The following EFCAB6 variants were observed in gnomAD, a reference collection of about 807,000 sequenced individuals.
The protein encoded by EFCAB6 is EF-hand calcium binding domain 6, also known as EF-hand calcium-binding domain-containing protein 6.
Under a neutral mutation model 169.8 loss-of-function variants are expected in EFCAB6, and 156 were observed. The observed-to-expected ratio is 0.92, with a 90% CI of 0.81 to 1.05. The LOEUF is 1.05. Among genes scored for constraint, EFCAB6 ranks in the 50% least tolerant of loss-of-function variants. The pLI, the probability that EFCAB6 is intolerant of heterozygous loss-of-function variation, is 0.00. For synonymous variants in EFCAB6, 698 were observed against 676.4 expected (o/e 1.03, Z -0.50); for missense variants, 1,800 against 1,829.1 (o/e 0.98, Z 0.29).
chr22:43,598,314 A>AC (rs59051299), intron 23 of EFCAB6, among the ~76,000 whole-genome samples: 24,426 of 136,500 alleles, frequency 0.18, 4,245 homozygotes, highest in East Asian at 0.51. Flanking sequence ...TCTCCGGGAA[A>AC]AAAAAAAAAA....
At chr22:43,661,605 C>G (rs1046862831) in intron 17 of EFCAB6, among the ~76,000 whole-genome samples, 3 of 152,140 alleles carry the variant, frequency 2.0e-5, no homozygotes, top group African/African-American at 7.2e-5. Flanking sequence ...AGAATAGCGC[C>G]CTTCTCCTTC....
Position 43,528,934 on chromosome 22 carries a change from G to C in EFCAB6, c.4425C>G (p.Phe1475Leu), listed in dbSNP as rs778896150. Reference sequence around the variant, plus strand: ...TATCGTAATACTCCAGAATATGGAAGAACTCTTCCTCAGAGAGGTTGATGC... The same window carrying C: ...TATCGTAATACTCCAGAATATGGAACAACTCTTCCTCAGAGAGGTTGATGC... ...QYSINLSEEE[F>L]FHILEYYDKT... is the part of the protein sequence containing the mutation. Residue 1475 changes from phenylalanine (F) to leucine (L), a missense_variant, in exon 32 of 32, where the codon TTC becomes TTG. Coordinates refer to ENST00000262726, the MANE Select transcript of EFCAB6 (RefSeq NM_022785.4). 1 of 1,609,276 alleles carries C rather than the reference G, an allele frequency of 6.2e-7. No homozygotes were observed. Among genetic ancestry groups the C allele is most frequent in the Non-Finnish European group, 8.5e-7 (1 of 1,176,056 alleles).
At chr22:43,739,981 A>C (rs2060308515) in intron 6 of EFCAB6, among the ~76,000 whole-genome samples, 1 of 148,652 alleles carries the variant, frequency 6.7e-6, no homozygotes, top group Non-Finnish European at 1.5e-5. Context: ...GCTCCTGGCC[A>C]CCCCCTGGCC....
At chr22:43,777,914 C>T (rs1359790216) in intron 3 of EFCAB6, among the ~76,000 whole-genome samples, 1 of 152,188 alleles carries the variant, frequency 6.6e-6, no homozygotes, top group East Asian at 1.9e-4. Flanking sequence ...TTGATGGAAT[C>T]TTTCTGGAGG....
chr22:43,595,251 A>G (rs1029903673), intron 23 of EFCAB6, among the ~76,000 whole-genome samples: 1 of 152,138 alleles, frequency 6.6e-6, no homozygotes, highest in African/African-American at 2.4e-5. Context: ...AACCTAAATT[A>G]GTAGAAAGGA....
chr22:43,602,071 C>T (rs530560000), intron 22 of EFCAB6, among the ~76,000 whole-genome samples: 24 of 152,352 alleles, frequency 1.6e-4, no homozygotes, highest in African/African-American at 5.8e-4. Context: ...TTTGCCGGCT[C>T]TTCACCTGGC....
In EFCAB6 at chr22:43,632,119, T is replaced by G. The variant is rs2054993001; in HGVS notation, c.2218A>C (p.Lys740Gln). The G allele has an allele frequency of 1.2e-6, 2 of 1,614,010 alleles. No homozygotes were observed. The highest frequency in any genetic ancestry group is 1.7e-6 in the Non-Finnish European group (2 of 1,179,952). ...ECLKLFPRRL[K>Q]ESFRDPYSAF... Reference sequence around the variant, plus strand: ...TCACGGTTTACCCGGAATGACTCCTTCAGCCTCCTAGGGAAAAGCTTCAGG... The same window carrying G: ...TCACGGTTTACCCGGAATGACTCCTGCAGCCTCCTAGGGAAAAGCTTCAGG... Residue 740 changes from lysine to glutamine, a missense_variant, in exon 19 of 32, where the codon AAG (lysine) becomes CAG (glutamine). Transcript: ENST00000262726.
intron 7 of EFCAB6, among the ~76,000 whole-genome samples, chr22:43,735,310 C>T (rs1413181239): frequency 1.3e-4 from 5 of 37,210 alleles, no homozygotes; most frequent in Middle Eastern, 0.016. Context: ...ACCCTCCTGC[C>T]GCACACCCCA....
chr22:43,761,183 T>C (rs2061150880), intron 5 of EFCAB6, among the ~76,000 whole-genome samples: 1 of 152,162 alleles, frequency 6.6e-6, no homozygotes, highest in African/African-American at 2.4e-5. Context: ...CCTCACCACA[T>C]TGTGCTGCCT....
intron 7 of EFCAB6, among the ~76,000 whole-genome samples, chr22:43,734,507 T>C (rs953361308): frequency 2.6e-5 from 4 of 152,212 alleles, no homozygotes; most frequent in African/African-American, 9.6e-5. Context: ...ATAGATTTAC[T>C]AGGTTGGAGA....
chr22:43,598,645 T>A (rs1197484468), intron 23 of EFCAB6, among the ~76,000 whole-genome samples: 9 of 152,184 alleles, frequency 5.9e-5, no homozygotes, highest in Admixed American at 5.9e-4. Context: ...TAAAAGAGTA[T>A]AATTGGATTG....
intron 23 of EFCAB6, among the ~76,000 whole-genome samples, chr22:43,599,644 A>G (rs111637112): frequency 0.019 from 2,820 of 150,616 alleles, 85 homozygotes; most frequent in African/African-American, 0.065. Flanking sequence ...AGTGTGAGTT[A>G]AAGGATATGT....
At chr22:43,644,554 C>T (rs1254200585) in intron 17 of EFCAB6, among the ~76,000 whole-genome samples, 4 of 152,216 alleles carry the variant, frequency 2.6e-5, no homozygotes, top group East Asian at 3.9e-4. Flanking sequence ...CACCACACTT[C>T]CAAAAACAAT....
chr22:43,607,476 C>T (rs2053006264), intron 22 of EFCAB6, among the ~76,000 whole-genome samples: 1 of 152,204 alleles, frequency 6.6e-6, no homozygotes, highest in Admixed American at 6.5e-5. Flanking sequence ...CATTTGCCTA[C>T]TCCACAAAGA....
chr22:43,618,169 A>G (rs28360756), intron 20 of EFCAB6, among the ~76,000 whole-genome samples: 1,459 of 29,648 alleles, frequency 0.049, 29 homozygotes, highest in African/African-American at 0.075. Flanking sequence ...AAGGAAGGAA[A>G]GAAAGAAAGA....
intron 9 of EFCAB6, 48 bp downstream of exon 9, chr22:43,716,800 T>A: frequency 6.4e-7 from 1 of 1,566,448 alleles, no homozygotes; most frequent in Non-Finnish European, 8.6e-7. Context: ...ATTGTCTACT[T>A]TGCTGTGTTT....
At chr22:43,631,822 C>A (rs1455022406) in intron 19 of EFCAB6, among the ~76,000 whole-genome samples, 1 of 151,934 alleles carries the variant, frequency 6.6e-6, no homozygotes. Flanking sequence ...GTCACTGTAC[C>A]ATGGGTTGTC....
At chr22:43,584,689 GA>G (rs923492017) in intron 24 of EFCAB6, among the ~76,000 whole-genome samples, 5 of 151,614 alleles carry the variant, frequency 3.3e-5, no homozygotes, top group South Asian at 4.2e-4. Flanking sequence ...TACCTAAGTG[GA>G]AAAAAAACCC....
chr22:43,529,063 T>C lies in EFCAB6; in HGVS notation c.4384-88A>G, dbSNP rs145409007. Reference sequence around the variant, plus strand: ...TGCCAGGAAGGGGCTGGGGGACACATCCACCTGATCCCCAACCCCACTTCC... The same window carrying C: ...TGCCAGGAAGGGGCTGGGGGACACACCCACCTGATCCCCAACCCCACTTCC... On this transcript the variant is annotated intron_variant, in intron 31 of 31. Coordinates refer to ENST00000262726, the MANE Select transcript of EFCAB6 (RefSeq NM_022785.4). 4.2e-4 allele frequency: 586 copies of C among 1,395,294 alleles called. 4 individuals are homozygous for C. In the African/African-American group the frequency reaches 7.6e-3, roughly 18 times the overall value. The allele number at this position is 1,395,294 out of a possible 1,614,324, so 86.4% of individuals were successfully genotyped here.
Sources: gnomAD v4.1 joint callset for allele counts (sites outside exome capture counted in the v4.1 genomes callset) on GRCh38, gnomAD v4.1.1 for gene constraint, MANE v1.5 for transcripts, NCBI Gene and HGNC (gene_info 2026-07-23, HGNC 2026-07-21) for gene names.